LMNB2: variants seen among roughly 807,000 people sequenced by gnomAD.
LMNB2 encodes the protein lamin-B2.
A neutral mutation model predicts 69.3 loss-of-function variants in LMNB2; 17 were observed. The observed-to-expected ratio is 0.25, with a 90% CI of 0.17 to 0.37. The LOEUF is 0.37. LMNB2 is among the 10% of genes least tolerant of loss of function. The pLI is 1.00. For synonymous variants in LMNB2, 397 were observed against 389.3 expected (o/e 1.02, Z -0.23); for missense variants, 789 against 883.6 (o/e 0.89, Z 1.36).
chr19:2,434,000 C>T lies in LMNB2; in HGVS notation c.1308G>A (p.Arg436=). ...SATGRLGRSK[R]KRLEVEEPLG... is the part of the protein sequence containing the mutation. ...AGGGCTCCTCCACCTCCAGCCGCTTCCGCTTACTGCGGCCCAGGCGCCCGG... is the reference window on the plus strand; with the variant it reads ...AGGGCTCCTCCACCTCCAGCCGCTTTCGCTTACTGCGGCCCAGGCGCCCGG... Residue 436 remains arginine, a synonymous_variant, in exon 8 of 12, where the codon CGG becomes CGA. Transcript: ENST00000325327. The T allele has an allele frequency of 6.2e-7, 1 of 1,609,556 alleles. No homozygotes were observed.
In LMNB2 at chr19:2,447,311, G is replaced by A. The variant is rs76030906; in HGVS notation, c.265-2771C>T. Reference sequence around the variant, plus strand: ...CTTGAGGATGTCACACTCATGAGACGCCAGACACAAAACGCCACACAGTGT... The same window carrying A: ...CTTGAGGATGTCACACTCATGAGACACCAGACACAAAACGCCACACAGTGT... On this transcript the variant is annotated intron_variant, in intron 1 of 11. Transcript: ENST00000325327. This position sits in a 1 kb window ranked among gnomAD's most constrained non-coding sequence, Gnocchi z 4.4. Among the ~76,000 whole-genome samples the A allele has an allele frequency of 9.9e-3, 1,514 of 152,224 alleles. 23 individuals carry two copies. Among genetic ancestry groups the A allele is most frequent in the African/African-American group, 0.035 (1,446 of 41,516 alleles).
At position 2,444,406 on chromosome 19, in the gene LMNB2, C is replaced by G. The variant is rs758743651; in HGVS notation, c.399G>C (p.Lys133Asn). 1 of 1,613,790 alleles carries G rather than the reference C, an allele frequency of 6.2e-7. No individual in the cohort carries two copies. The highest frequency in any genetic ancestry group is 1.1e-5 in the South Asian group (1 of 91,086). The change falls in exon 2 of 12, where the codon AAG (lysine) becomes AAC (asparagine). Residue 133 changes from lysine (K) to asparagine (N), a missense_variant and splice_region_variant. Around this residue, in one of 3 missense-constraint regions of LMNB2, gnomAD observed 145 missense variants for 228.9 expected, o/e 0.63. Transcript: ENST00000325327. ...CGTGCCCAGCCGTGACCACTCACCT[C>G]TTGTTGACCTCGTCCAACTCTGCCC... is the stretch of plus-strand genomic sequence containing the variant. ...KLRAELDEVN[K>N]SAKKREGELT...
At chr19:2,450,117 T>TATAC (rs563551026) in intron 1 of LMNB2, among the ~76,000 whole-genome samples, 3,023 of 145,426 alleles carry the variant, frequency 0.021, 49 homozygotes, top group East Asian at 0.11. Flanking sequence ...CATATATATA[T>TATAC]ACACATATAT....
chr19:2,434,777 G>A lies in LMNB2; in HGVS notation c.981+11C>T, dbSNP rs773623614. ...CAGGGGGACGGCAGACGGTGGCGCT[G>A]TGCTCATCACCTGCTTCTGGAGGCC... On this transcript the variant is annotated intron_variant, in intron 6 of 11. Transcript: ENST00000325327. The A allele has an allele frequency of 1.9e-6, 3 of 1,602,132 alleles. No individual in the cohort carries two copies. The South Asian group carries it at 3.3e-5, about 18-fold the overall frequency.
intron 9 of LMNB2, 71 bp from the exon 10 acceptor site, chr19:2,431,973 C>G (rs1211235255): frequency 6.5e-7 from 1 of 1,547,282 alleles, no homozygotes; most frequent in Non-Finnish European, 8.7e-7. Flanking sequence ...GCCAGTGGCC[C>G]CTACCACAAA....
chr19:2,456,163 C>G (rs550516040), intron 1 of LMNB2, among the ~76,000 whole-genome samples: 1 of 151,320 alleles, frequency 6.6e-6, no homozygotes, highest in Non-Finnish European at 1.5e-5. Context: ...CTCTCCGAAA[C>G]GCGGCGGAGA....
chr19:2,436,535 GGCCGCGCACCCGCCTGCACA>G (rs1971824087), intron 4 of LMNB2, among the ~76,000 whole-genome samples: 1 of 143,254 alleles, frequency 7.0e-6, no homozygotes, highest in African/African-American at 2.6e-5. Flanking sequence ...CCGCCTCCAC[GGCCGCGCACCCGCCTGCACA>G]GCCGCCCTCC....
chr19:2,444,324 C>T (rs1196755397), intron 2 of LMNB2, 80 bp downstream of exon 2: 10 of 1,551,920 alleles, frequency 6.4e-6, no homozygotes, highest in African/African-American at 1.4e-5. Context: ...ATGCCCCGCA[C>T]GAGCCCAGCG....
chr19:2,450,988 C>A (rs550541945), intron 1 of LMNB2, among the ~76,000 whole-genome samples: 109 of 151,728 alleles, frequency 7.2e-4, no homozygotes, highest in African/African-American at 2.5e-3. Context: ...TGCCTATAAT[C>A]CCAGCACTTT....
chr19:2,439,692 G>A (rs1568204642), intron 2 of LMNB2, among the ~76,000 whole-genome samples: 1 of 151,702 alleles, frequency 6.6e-6, no homozygotes, highest in Non-Finnish European at 1.5e-5. Flanking sequence ...AAGTGACAGG[G>A]ACCTCTCCTG....
rs1380337211 is a variant in LMNB2, at chr19:2,428,475, C to A, written c.*2436G>T. On this transcript the variant is annotated 3_prime_UTR_variant, in exon 12 of 12. Coordinates refer to ENST00000325327, the MANE Select transcript of LMNB2 (RefSeq NM_032737.4). Reference sequence around the variant, plus strand: ...TTCAGACCAACCCCAGCCAAAGCCGCTGGCATGAGGACAGGTGCATGATCG... The same window carrying A: ...TTCAGACCAACCCCAGCCAAAGCCGATGGCATGAGGACAGGTGCATGATCG... 2.0e-5 allele frequency: 3 copies of A among 152,268 alleles called. No homozygotes were observed. Among genetic ancestry groups the A allele is most frequent in the African/African-American group, 7.2e-5 (3 of 41,464 alleles). The allele number at this position is 152,268 out of a possible 1,614,324, so 9.4% of individuals were successfully genotyped here. A position where few individuals can be genotyped will look rare whatever the true frequency, so the allele number is the denominator to read the frequency against.
rs1273805687 is a variant in LMNB2 at position 2,430,836 on chromosome 19, A to C, written c.*75T>G. On this transcript the variant is annotated 3_prime_UTR_variant, in exon 12 of 12. Transcript: ENST00000325327. Reference sequence around the variant, plus strand: ...ATTCTCTAGAAATGTATCAAGAACTAAAGAAAGCCAATGATATAAAAATAG... The same window carrying C: ...ATTCTCTAGAAATGTATCAAGAACTCAAGAAAGCCAATGATATAAAAATAG... 2.0e-6 allele frequency: 2 copies of C among 993,494 alleles called. No homozygotes were observed. The highest frequency in any genetic ancestry group is 1.3e-5 in the South Asian group (1 of 78,824). 61.5% of individuals were successfully genotyped at this position (993,494 alleles called of 1,614,324 possible). A position where few individuals can be genotyped will look rare whatever the true frequency, so the allele number is the denominator to read the frequency against.
Position 2,431,685 on chromosome 19 carries a change from G to A in LMNB2, c.1711-27C>T. The A allele has an allele frequency of 1.9e-6, 3 of 1,614,010 alleles. No individual in the cohort carries two copies. The South Asian group carries it at 3.3e-5, about 18-fold the overall frequency. On this transcript the variant is annotated intron_variant, in intron 10 of 11. Coordinates refer to ENST00000325327, the MANE Select transcript of LMNB2 (RefSeq NM_032737.4). ...TGTGCGGGACAGGACACGGCGGCAT[G>A]TCCCGGGATCGGGCCCAGAGCTGCT...
Position 2,433,967 on chromosome 19 carries a change from G to A in LMNB2, c.1341C>T (p.Ser447=), listed in dbSNP as rs767447519. The A allele has an allele frequency of 3.5e-5, 57 of 1,610,778 alleles. No individual in the cohort carries two copies. Among genetic ancestry groups the A allele is most frequent in the Admixed American group, 6.7e-5 (4 of 59,932 alleles). Residue 447 remains serine, a synonymous_variant, in exon 8 of 12, where the codon AGC becomes AGT. Coordinates refer to ENST00000325327, the MANE Select transcript of LMNB2 (RefSeq NM_032737.4). ...TGCCCGTGCCCAGGACGCTTGGGCC[G>A]CTGCCCAAGGGCTCCTCCACCTCCA... The part of the protein sequence containing the change: ...KRLEVEEPLG[S]GPSVLGTGTG...
intron 4 of LMNB2, among the ~76,000 whole-genome samples, chr19:2,435,964 C>T (rs1319176384): frequency 6.6e-6 from 1 of 152,072 alleles, no homozygotes; most frequent in Non-Finnish European, 1.5e-5. Context: ...GCCTAGCCAA[C>T]ATGGTGAAAC....
Position 2,431,744 on chromosome 19 carries a change from G to A in LMNB2, c.1710+39C>T, listed in dbSNP as rs200332250. On this transcript the variant is annotated intron_variant, in intron 10 of 11. Transcript: ENST00000325327. ...CCCGAGGGTGCCCAGACCCTGCCCA[G>A]GACTCCAGCCGAGCACCCCCCAAGC... 16 of 1,613,602 alleles carry A rather than the reference G, an allele frequency of 9.9e-6. No individual in the cohort carries two copies. In the East Asian group the frequency reaches 3.6e-4, roughly 36 times the overall value.
At position 2,431,563 on chromosome 19, in the gene LMNB2, A is replaced by G. The variant is rs1400531535; in HGVS notation, c.1806T>C (p.Asp602=). The part of the protein sequence containing the change: ...EEEEAEFGEE[D]LFHQQGDPRT... ...GGGGTCCTACCTGTTGGTGGAAAAGATCCTCCTCGCCAAACTCGGCTTCCT... is the reference window on the plus strand; with the variant it reads ...GGGGTCCTACCTGTTGGTGGAAAAGGTCCTCCTCGCCAAACTCGGCTTCCT... The change falls in exon 11 of 12, where the codon GAT becomes GAC. Residue 602 remains aspartate, a synonymous_variant. Transcript: ENST00000325327. 3.1e-6 allele frequency: 5 copies of G among 1,614,048 alleles called. No homozygotes were observed. Among genetic ancestry groups the G allele is most frequent in the Non-Finnish European group, 4.2e-6 (5 of 1,179,962 alleles).
intron 1 of LMNB2, among the ~76,000 whole-genome samples, chr19:2,449,017 T>C (rs983296015): frequency 6.6e-6 from 1 of 152,116 alleles, no homozygotes; most frequent in African/African-American, 2.4e-5. Context: ...GCTGCCCCAA[T>C]AGCTGGGACT....
At chr19:2,455,800 C>G (rs1023333632) in intron 1 of LMNB2, among the ~76,000 whole-genome samples, 1 of 152,048 alleles carries the variant, frequency 6.6e-6, no homozygotes, top group African/African-American at 2.4e-5. Context: ...GGTGGCACCC[C>G]TCACTCAGGG....
Sources: gnomAD v4.1 joint callset for allele counts (sites outside exome capture counted in the v4.1 genomes callset) on GRCh38, gnomAD v4.1.1 for gene constraint, gnomAD v4.1.1 regional missense constraint, Gnocchi (gnomAD v3.1) non-coding constraint, MANE v1.5 for transcripts, NCBI Gene and HGNC (gene_info 2026-07-23, HGNC 2026-07-21) for gene names.